Variants in DLC1 observed in about 807,000 individuals in gnomAD.
DLC1 encodes the protein DLC1 Rho GTPase activating protein, also known as rho GTPase-activating protein 7.
In DLC1, 54 loss-of-function variants were observed where a neutral mutation model predicts 140.3. The observed-to-expected ratio is 0.38, with a 90% CI of 0.31 to 0.48. DLC1 has a LOEUF of 0.48. Ranked by LOEUF, DLC1 falls within the 20% of genes least tolerant of loss-of-function variation. DLC1 has a pLI of 0.96. For missense variants in DLC1, 2,536 were observed against 1,907.0 expected (o/e 1.33, Z -6.14); for synonymous variants, 986 against 728.1 (o/e 1.35, Z -5.70).
rs1489546848 is a variant in DLC1 at position 13,084,468 on chromosome 8, T to G, written c.*1343A>C. On this transcript the variant is annotated 3_prime_UTR_variant, in exon 18 of 18. Coordinates refer to ENST00000276297, the MANE Select transcript of DLC1 (RefSeq NM_182643.3). The stretch of plus-strand genomic sequence containing the variant: ...TGTCTCTTGAGTCAATCCTTACCAT[T>G]ACAGTAAAACCTGAATAAAGACCAC... 3 of 152,616 alleles carry G rather than the reference T, an allele frequency of 2.0e-5. No homozygotes were observed. Among genetic ancestry groups the G allele is most frequent in the Admixed American group, 6.5e-5 (1 of 15,274 alleles). 9.5% of individuals were successfully genotyped at this position (152,616 alleles called of 1,614,324 possible).
chr8:13,445,290 A>G (rs1798726722), intron 2 of DLC1, among the ~76,000 whole-genome samples: 1 of 152,234 alleles, frequency 6.6e-6, no homozygotes, highest in Non-Finnish European at 1.5e-5. Flanking sequence ...ACCAGGGAAC[A>G]GAAAGCAGAA....
chr8:13,496,001 A>G (rs1038665327), intron 2 of DLC1, among the ~76,000 whole-genome samples: 3 of 152,212 alleles, frequency 2.0e-5, no homozygotes, highest in Admixed American at 1.3e-4. Context: ...AACTAAAATG[A>G]TATTAGCCTT....
At chr8:13,185,288 T>TG (rs1554464346) in intron 5 of DLC1, among the ~76,000 whole-genome samples, 11 of 144,464 alleles carry the variant, frequency 7.6e-5, no homozygotes, top group South Asian at 4.4e-4. Context: ...TTTCTGTTTT[T>TG]TTTGTTTGTT....
intron 5 of DLC1, among the ~76,000 whole-genome samples, chr8:13,159,804 C>T (rs1824539882): frequency 6.8e-6 from 1 of 146,664 alleles, no homozygotes; most frequent in Admixed American, 6.9e-5. Flanking sequence ...GGGCAAGTGG[C>T]AAGAAGCAAG....
intron 5 of DLC1, among the ~76,000 whole-genome samples, chr8:13,182,557 G>C (rs911604714): frequency 9.2e-5 from 14 of 152,084 alleles, no homozygotes; most frequent in Non-Finnish European, 1.6e-4. Context: ...AGTTTTCCCA[G>C]CACCATTTAT....
intron 4 of DLC1, among the ~76,000 whole-genome samples, chr8:13,315,626 C>A (rs1194451224): frequency 6.6e-6 from 1 of 152,170 alleles, no homozygotes; most frequent in Non-Finnish European, 1.5e-5. Context: ...TCACAGGAGC[C>A]CAACTCAATT....
At chr8:13,113,351 C>T (rs1485586109) in intron 6 of DLC1, among the ~76,000 whole-genome samples, 1 of 152,030 alleles carries the variant, frequency 6.6e-6, no homozygotes, top group African/African-American at 2.4e-5. Context: ...GCAGGAAAAA[C>T]GGGGGGAGGC....
At chr8:13,129,404 T>C (rs530820805) in intron 5 of DLC1, among the ~76,000 whole-genome samples, 4 of 152,332 alleles carry the variant, frequency 2.6e-5, no homozygotes, top group South Asian at 2.1e-4. Flanking sequence ...CACTCTATGG[T>C]TGGGCATTAG....
chr8:13,499,890 A>G lies in DLC1; in HGVS notation c.182T>C (p.Leu61Pro), dbSNP rs774305707. 4.4e-5 allele frequency: 71 copies of G among 1,614,008 alleles called. No homozygotes were observed. In the Middle Eastern group the frequency reaches 9.9e-4, roughly 22 times the overall value. ...NVDRKEKCVSLPDCCHGSELR... is the reference protein window; with the variant it reads ...NVDRKEKCVSPPDCCHGSELR... ...CTCTGATCCATGACAGCAGTCAGGT[A>G]GTGAAACACACTTCTCTTTGCGGTC... Residue 61 changes from leucine (L) to proline (P), a missense_variant, in exon 2 of 18, where the codon CTA (leucine) becomes CCA (proline). Coordinates refer to ENST00000276297, the MANE Select transcript of DLC1 (RefSeq NM_182643.3).
At chr8:13,367,846 T>C (rs1022186620) in intron 4 of DLC1, among the ~76,000 whole-genome samples, 9 of 152,154 alleles carry the variant, frequency 5.9e-5, no homozygotes, top group African/African-American at 2.2e-4. Context: ...TCAAGTTACA[T>C]TTGCAAATGA....
intron 2 of DLC1, among the ~76,000 whole-genome samples, chr8:13,467,055 C>A (rs980068751): frequency 1.3e-5 from 2 of 152,022 alleles, no homozygotes; most frequent in African/African-American, 2.4e-5. Flanking sequence ...CATTGATTTC[C>A]TACACCAATG....
chr8:13,468,483 C>T (rs1333228369), intron 2 of DLC1, among the ~76,000 whole-genome samples: 4 of 151,320 alleles, frequency 2.6e-5, no homozygotes, highest in African/African-American at 9.7e-5. Context: ...TGGTCTCTAA[C>T]AATCCACCAC....
intron 2 of DLC1, among the ~76,000 whole-genome samples, chr8:13,430,917 G>C (rs1838832182): frequency 6.6e-6 from 1 of 152,168 alleles, no homozygotes; most frequent in South Asian, 2.1e-4. Context: ...GTTTAAAAGA[G>C]TTATAACATG....
intron 1 of DLC1, among the ~76,000 whole-genome samples, chr8:13,509,771 G>C (rs10098504): frequency 0.95 from 144,938 of 152,206 alleles, 69,429 homozygotes; most frequent in East Asian, 1. Context: ...GGCAGGAATT[G>C]TCTCCCATTT....
chr8:13,336,284 A>G (rs2116963768), intron 4 of DLC1, among the ~76,000 whole-genome samples: 1 of 152,218 alleles, frequency 6.6e-6, no homozygotes, highest in South Asian at 2.1e-4. Context: ...TGACCCCAAG[A>G]CACTGTGGTT....
chr8:13,203,059 G>T (rs1210162627), intron 5 of DLC1, among the ~76,000 whole-genome samples: 1 of 152,162 alleles, frequency 6.6e-6, no homozygotes. Context: ...CGAATAGTAG[G>T]AAAGTGGGAT....
intron 10 of DLC1, among the ~76,000 whole-genome samples, chr8:13,098,034 G>GA (rs35785512): frequency 2.5e-3 from 168 of 68,426 alleles, no homozygotes; most frequent in Admixed American, 6.0e-3. Flanking sequence ...AAGGAAAAAA[G>GA]AAAAAAAAAA....
chr8:13,105,772 G>A (rs1049237642), intron 7 of DLC1, among the ~76,000 whole-genome samples: 3 of 151,880 alleles, frequency 2.0e-5, no homozygotes, highest in African/African-American at 7.3e-5. Flanking sequence ...AGAAGTGGGG[G>A]TTTGCCATGT....
intron 5 of DLC1, among the ~76,000 whole-genome samples, chr8:13,284,998 TTTTG>T (rs1011545735): frequency 2.6e-5 from 4 of 152,218 alleles, no homozygotes; most frequent in Non-Finnish European, 5.9e-5. Flanking sequence ...CAGCAGGTTT[TTTTG>T]TTTGTCTGTT....
Sources: allele counts gnomAD v4.1 joint callset (sites outside exome capture counted in the v4.1 genomes callset), GRCh38; gene constraint gnomAD v4.1.1; transcripts MANE v1.5; gene names NCBI Gene and HGNC (gene_info 2026-07-23, HGNC 2026-07-21).